LRP11: variants seen among roughly 807,000 people sequenced by gnomAD.
LRP11 encodes LDL receptor related protein 11.
In LRP11, 25 loss-of-function variants were observed where a neutral mutation model predicts 43.1. The ratio of observed to expected loss-of-function variants is 0.58; its 90% CI spans 0.42 to 0.81. The LOEUF (loss-of-function observed/expected upper bound fraction) is 0.81, where lower values mean the gene tolerates loss of function less well. Ranked by LOEUF, LRP11 falls within the 30% of genes least tolerant of loss-of-function variation. LRP11 has a pLI of 0.00. For missense variants in LRP11, 623 were observed against 665.1 expected, an observed-to-expected ratio of 0.94 and a Z score of 0.70; for synonymous variants, 316 against 299.4, an observed-to-expected ratio of 1.06 and a Z score of -0.57.
At chr6:149,859,396 A>ATTTTTTTT (rs1163759560) in intron 1 of LRP11, among the ~76,000 whole-genome samples, 8 of 71,510 alleles carry the variant, frequency 1.1e-4, no homozygotes, top group African/African-American at 5.7e-4. Context: ...ATATATATAT[A>ATTTTTTTT]TTTTTTTTTT....
Position 149,864,327 on chromosome 6 carries a change from G to C in LRP11, c.-307C>G. 1 of 1,018,498 alleles carries C rather than the reference G, an allele frequency of 9.8e-7. No homozygotes were observed. Among genetic ancestry groups the C allele is most frequent in the Non-Finnish European group, 1.2e-6 (1 of 852,154 alleles). 63.1% of individuals were successfully genotyped at this position (1,018,498 alleles called of 1,614,324 possible). A position where few individuals can be genotyped will look rare whatever the true frequency, so the allele number is the denominator to read the frequency against. On this transcript the variant is annotated 5_prime_UTR_variant, in exon 1 of 7. Transcript: ENST00000239367. ...CGCTGGGTGGCGACGAGTCGGCCTC[G>C]GCGTTGATCAGCACCAGGTGTGTGC... is the stretch of plus-strand genomic sequence containing the variant.
chr6:149,858,053 ATTTT>A (rs997754754), intron 1 of LRP11, among the ~76,000 whole-genome samples: 2 of 152,016 alleles, frequency 1.3e-5, no homozygotes, highest in African/African-American at 2.4e-5. Flanking sequence ...CTTTTTAATT[ATTTT>A]TTTATTATTA....
chr6:149,861,277 G>A (rs1776889498), intron 1 of LRP11, among the ~76,000 whole-genome samples: 2 of 152,180 alleles, frequency 1.3e-5, no homozygotes, highest in African/African-American at 4.8e-5. Flanking sequence ...CACGCAGAGA[G>A]AACAAATGAG....
chr6:149,846,953 T>TAGTAG lies in LRP11; in HGVS notation c.772-3830_772-3829insCTACT, dbSNP rs1554259656. 5.3e-5 allele frequency among the ~76,000 whole-genome samples: 7 copies of TAGTAG among 131,518 alleles called. No individual in the cohort carries two copies. In the South Asian group the frequency reaches 1.9e-3, roughly 35 times the overall value. The allele number at this position is 131,518 out of a possible 152,430, so 86.3% of individuals were successfully genotyped here. A position where few individuals can be genotyped will look rare whatever the true frequency, so the allele number is the denominator to read the frequency against. ...TATCTCAATATAAAATAAAATAAAA[T>TAGTAG]AATAGAATAGAATAGAATAGAATAG... On this transcript the variant is annotated intron_variant, in intron 2 of 6. Transcript: ENST00000239367.
rs564192807 is a variant in LRP11, at chr6:149,864,285, C to A, written c.-265G>T. 29 of 1,052,236 alleles carry A rather than the reference C, an allele frequency of 2.8e-5. No individual in the cohort carries two copies. Among genetic ancestry groups the A allele is most frequent in the Non-Finnish European group, 3.2e-5 (28 of 874,574 alleles). The allele number at this position is 1,052,236 out of a possible 1,614,324, so 65.2% of individuals were successfully genotyped here. A position where few individuals can be genotyped will look rare whatever the true frequency, so the allele number is the denominator to read the frequency against. The stretch of plus-strand genomic sequence containing the variant: ...GACTGCCCAGCGCCCTGCGCCTCTC[C>A]GCCCCGGCCTGCGGCGCGCTGGGTG... On this transcript the variant is annotated 5_prime_UTR_variant, in exon 1 of 7. Coordinates refer to ENST00000239367, the MANE Select transcript of LRP11 (RefSeq NM_032832.6).
intron 2 of LRP11, among the ~76,000 whole-genome samples, chr6:149,844,902 AGGTATGG>A (rs1776609350): frequency 6.6e-6 from 1 of 152,330 alleles, no homozygotes; most frequent in East Asian, 1.9e-4. Flanking sequence ...ACTTTAGCTA[AGGTATGG>A]ATTTCCAGGT....
intron 5 of LRP11, among the ~76,000 whole-genome samples, chr6:149,834,947 C>T (rs570063769): frequency 1.8e-4 from 27 of 152,338 alleles, no homozygotes; most frequent in African/African-American, 6.0e-4. Flanking sequence ...TATTTTGCAT[C>T]TTCCGTATCT....
intron 5 of LRP11, among the ~76,000 whole-genome samples, chr6:149,832,671 A>T (rs1340533498): frequency 6.9e-6 from 1 of 144,760 alleles, no homozygotes; most frequent in Non-Finnish European, 1.5e-5. Context: ...CTCAGGCTGG[A>T]GTGCAGTGGC....
intron 1 of LRP11, 24 bp from the exon 2 acceptor site, chr6:149,853,184 AT>A: frequency 6.6e-7 from 1 of 1,522,576 alleles, no homozygotes; most frequent in Non-Finnish European, 8.8e-7. Context: ...TAAATAATTC[AT>A]AAAAGATGAT....
intron 1 of LRP11, among the ~76,000 whole-genome samples, chr6:149,862,551 G>A (rs984742318): frequency 6.8e-6 from 1 of 147,562 alleles, no homozygotes; most frequent in Non-Finnish European, 1.5e-5. Context: ...TAAGAAACAC[G>A]CTTTAAAGTT....
rs977808379 is a variant in LRP11 at position 149,827,895 on chromosome 6, G to A, written c.1253-1536C>T. On this transcript the variant is annotated intron_variant, in intron 5 of 6. Coordinates refer to ENST00000239367, the MANE Select transcript of LRP11 (RefSeq NM_032832.6). This position sits in a 1 kb window ranked among gnomAD's most constrained non-coding sequence, Gnocchi z 4.2. ...AAAAAATTAGCCAGGCATGGTGGGC[G>A]CCTGTAGTCCCAGCTGCTGGGGAGG... Among the ~76,000 whole-genome samples the A allele has an allele frequency of 6.6e-5, 10 of 152,130 alleles. 1 individual carries two copies. The highest frequency in any genetic ancestry group is 2.2e-4 in the African/African-American group (9 of 41,426).
At chr6:149,847,018 A>AATAGAATAGAATAG (rs1554259676) in intron 2 of LRP11, among the ~76,000 whole-genome samples, 26 of 117,010 alleles carry the variant, frequency 2.2e-4, no homozygotes, top group African/African-American at 8.0e-4. Context: ...GAATAGAATA[A>AATAGAATAGAATAG]ACCAAGGAAG....
chr6:149,863,918 C>T lies in LRP11; in HGVS notation c.103G>A (p.Gly35Ser), dbSNP rs1440546866. ...LLLLCLWLPS[G>S]RAALPPAAPL... ...GCCGCGGGCGGCAAGGCCGCACGGC[C>T]GCTTGGCAGCCACAGGCAGAGCAGT... Residue 35 changes from glycine (G) to serine (S), a missense_variant, in exon 1 of 7, where the codon GGC (glycine) becomes AGC (serine). Gly to Ser is a moderately conservative substitution (Grantham distance 56, BLOSUM62 0). Coordinates refer to ENST00000239367, the MANE Select transcript of LRP11 (RefSeq NM_032832.6). The T allele has an allele frequency of 6.8e-7, 1 of 1,480,288 alleles. No homozygotes were observed. The allele number at this position is 1,480,288 out of a possible 1,614,324, so 91.7% of individuals were successfully genotyped here.
Position 149,836,197 on chromosome 6 carries a change from T to C in LRP11, c.1140A>G (p.Glu380=), listed in dbSNP as rs1336471009. ...SEDAGGDSLV[E]KSQKATAPNK... ...TTGGGGCAGTGGCTTTCTGAGACTT[T>C]TCCACCAAGGAGTCACCCCCTGCAT... Residue 380 remains glutamate, a synonymous_variant, in exon 5 of 7, where the codon GAA becomes GAG. Coordinates refer to ENST00000239367, the MANE Select transcript of LRP11 (RefSeq NM_032832.6). The C allele has an allele frequency of 1.9e-6, 3 of 1,614,052 alleles. No individual in the cohort carries two copies. Among genetic ancestry groups the C allele is most frequent in the Non-Finnish European group, 2.5e-6 (3 of 1,180,026 alleles).
intron 1 of LRP11, among the ~76,000 whole-genome samples, chr6:149,861,033 T>C (rs1776884777): frequency 6.6e-6 from 1 of 152,210 alleles, no homozygotes; most frequent in African/African-American, 2.4e-5. Context: ...TGGTGTGTCC[T>C]GCTGTAAGTT....
intron 4 of LRP11, among the ~76,000 whole-genome samples, chr6:149,836,603 C>T (rs979664640): frequency 1.3e-5 from 2 of 152,082 alleles, no homozygotes; most frequent in African/African-American, 4.8e-5. Context: ...CTTGAGCCCA[C>T]GAGTTCGTGA....
chr6:149,838,797 T>C (rs1776506626), intron 3 of LRP11, among the ~76,000 whole-genome samples: 2 of 152,188 alleles, frequency 1.3e-5, no homozygotes, highest in South Asian at 4.1e-4. Context: ...GAAATGCATT[T>C]TCCCTCTCCC....
intron 5 of LRP11, among the ~76,000 whole-genome samples, chr6:149,833,892 G>A (rs372568837): frequency 6.6e-6 from 1 of 152,020 alleles, no homozygotes; most frequent in African/African-American, 2.4e-5. Flanking sequence ...TCTAAGTTCC[G>A]GGGTACATGT....
At chr6:149,823,400 A>G (rs1208075696) in intron 6 of LRP11, among the ~76,000 whole-genome samples, 1 of 152,132 alleles carries the variant, frequency 6.6e-6, no homozygotes, top group Non-Finnish European at 1.5e-5. Flanking sequence ...TGAGAAATGA[A>G]CCTGAGGAAA....
Sources: gnomAD v4.1 joint callset for allele counts (sites outside exome capture counted in the v4.1 genomes callset) on GRCh38, gnomAD v4.1.1 for gene constraint, Gnocchi (gnomAD v3.1) non-coding constraint, MANE v1.5 for transcripts, NCBI Gene and HGNC (gene_info 2026-07-23, HGNC 2026-07-21) for gene names.